The following FRYL variants were observed in gnomAD, a reference collection of about 807,000 sequenced individuals.
FRYL encodes the protein protein furry homolog-like.
In FRYL, 150 loss-of-function variants were observed where a neutral mutation model predicts 351.2. The ratio of observed to expected loss-of-function variants is 0.43; its 90% CI spans 0.37 to 0.49. The LOEUF is 0.49. Ranked by LOEUF, FRYL falls within the 20% of genes least tolerant of loss-of-function variation. FRYL has a pLI of 0.00. For synonymous variants in FRYL, 1,153 were observed against 1,257.1 expected (o/e 0.92, Z 1.75); for missense variants, 3,036 against 3,619.3 (o/e 0.84, Z 4.13).
At chr4:48,529,987 T>A (rs905749395) in intron 50 of FRYL, among the ~76,000 whole-genome samples, 4 of 152,174 alleles carry the variant, frequency 2.6e-5, no homozygotes, top group Non-Finnish European at 5.9e-5. Context: ...TTCTTTTCAG[T>A]TTTCCTTCCA....
chr4:48,776,683 T>A (rs1295121454), intron 1 of FRYL, among the ~76,000 whole-genome samples: 1 of 152,174 alleles, frequency 6.6e-6, no homozygotes, highest in Admixed American at 6.5e-5. Context: ...CAAGGTGACA[T>A]CTGAGCAGGG....
intron 28 of FRYL, among the ~76,000 whole-genome samples, chr4:48,566,060 T>A (rs1486325325): frequency 2.0e-5 from 3 of 152,224 alleles, no homozygotes; most frequent in Admixed American, 6.5e-5. Flanking sequence ...CACCTCTGTA[T>A]CTTGGTTCAC....
At chr4:48,556,187 G>A (rs1305402854) in intron 35 of FRYL, among the ~76,000 whole-genome samples, 1 of 152,176 alleles carries the variant, frequency 6.6e-6, no homozygotes, top group East Asian at 1.9e-4. Context: ...GAGCCACTGC[G>A]CCTGGCCTGT....
chr4:48,659,243 C>T (rs1454520376), intron 3 of FRYL, among the ~76,000 whole-genome samples: 8 of 150,814 alleles, frequency 5.3e-5, no homozygotes, highest in African/African-American at 2.0e-4. Flanking sequence ...CCCAGCTACT[C>T]GGGAGGCTGA....
intron 2 of FRYL, among the ~76,000 whole-genome samples, chr4:48,685,726 T>G (rs1318318237): frequency 6.6e-6 from 1 of 151,620 alleles, no homozygotes; most frequent in Non-Finnish European, 1.5e-5. Flanking sequence ...TTATAAAGAT[T>G]CCACGTTATC....
intron 21 of FRYL, among the ~76,000 whole-genome samples, chr4:48,581,197 C>T (rs1463116485): frequency 2.0e-5 from 3 of 151,978 alleles, no homozygotes; most frequent in East Asian, 3.9e-4. Flanking sequence ...CCCGCCACCA[C>T]GCCCGGCTAA....
intron 25 of FRYL, chr4:48,574,548 A>G (rs1277269023): frequency 6.6e-6 from 1 of 152,202 alleles, no homozygotes; most frequent in Non-Finnish European, 1.5e-5. Flanking sequence ...CTGGTTGTAT[A>G]GGCTATCTTG....
chr4:48,754,070 A>G (rs775529293), intron 1 of FRYL, among the ~76,000 whole-genome samples: 9 of 152,234 alleles, frequency 5.9e-5, no homozygotes, highest in African/African-American at 2.4e-5. Flanking sequence ...AAAGTGTGCA[A>G]TTGAGTGGCA....
In FRYL at chr4:48,540,456, A is replaced by C; in HGVS notation, c.6192T>G (p.Leu2064=). 1 of 1,613,686 alleles carries C rather than the reference A, an allele frequency of 6.2e-7. No individual in the cohort carries two copies. Among genetic ancestry groups the C allele is most frequent in the Non-Finnish European group, 8.5e-7 (1 of 1,179,828 alleles). ...TNFPGLQQLF[L]KGFTSASTQE... ...GTGTAGATGCTGAGGTAAAACCCTTAAGGAAGAGCTGCTGAAGTCCTGGAA... is the reference window on the plus strand; with the variant it reads ...GTGTAGATGCTGAGGTAAAACCCTTCAGGAAGAGCTGCTGAAGTCCTGGAA... Residue 2064 remains leucine (L), a synonymous_variant, in exon 46 of 64, where the codon CTT becomes CTG. Transcript: ENST00000358350.
intron 55 of FRYL, among the ~76,000 whole-genome samples, chr4:48,518,982 C>A (rs1028924596): frequency 1.3e-5 from 2 of 152,202 alleles, no homozygotes; most frequent in Non-Finnish European, 2.9e-5. Flanking sequence ...CACGAGGTAG[C>A]GCCTCAGTAG....
intron 3 of FRYL, among the ~76,000 whole-genome samples, chr4:48,652,884 T>A (rs549207541): frequency 6.6e-6 from 1 of 152,330 alleles, no homozygotes; most frequent in South Asian, 2.1e-4. Flanking sequence ...TTTGCCACTG[T>A]ATGACCTTGG....
chr4:48,640,567 T>C (rs1755121878), intron 3 of FRYL, among the ~76,000 whole-genome samples: 2 of 152,158 alleles, frequency 1.3e-5, no homozygotes, highest in Admixed American at 6.6e-5. Context: ...GTATAGTATA[T>C]GGTGGATACA....
At chr4:48,740,925 A>G (rs1171049779) in intron 1 of FRYL, among the ~76,000 whole-genome samples, 1 of 152,192 alleles carries the variant, frequency 6.6e-6, no homozygotes, top group Non-Finnish European at 1.5e-5. Flanking sequence ...AGATGAAAAC[A>G]TATTTCTACA....
intron 53 of FRYL, among the ~76,000 whole-genome samples, chr4:48,525,196 T>TATATATATATATATAC (rs759279145): frequency 5.3e-5 from 7 of 133,062 alleles, no homozygotes; most frequent in African/African-American, 9.0e-5. Context: ...TATATATATA[T>TATATATATATATATAC]ACACACACTT....
At chr4:48,591,440 C>G (rs1197109375) in intron 16 of FRYL, among the ~76,000 whole-genome samples, 2 of 152,146 alleles carry the variant, frequency 1.3e-5, no homozygotes, top group African/African-American at 4.8e-5. Flanking sequence ...AAACTTTCCC[C>G]AAATACTTCC....
Position 48,619,275 on chromosome 4 carries a change from T to A in FRYL, c.410A>T (p.Gln137Leu). The A allele has an allele frequency of 6.3e-7, 1 of 1,592,708 alleles. No homozygotes were observed. The highest frequency in any genetic ancestry group is 8.6e-7 in the Non-Finnish European group (1 of 1,161,946). ...CTTTGCAGAAATAAAAGAGCTTACC[T>A]GCTTTAGAACTTCAACTAAAACTAA... ...FCLVLVEVLK[Q>L]IPVHPVPDPL... Residue 137 changes from glutamine (Q) to leucine (L), a missense_variant and splice_region_variant, in exon 7 of 64, where the codon CAG becomes CTG. Gln to Leu is a moderately radical substitution (Grantham distance 113, BLOSUM62 -2). This residue lies in a region of FRYL where 457 missense variants were observed against 566.6 expected (regional missense o/e 0.81). Transcript: ENST00000358350.
chr4:48,514,082 TAAA>T (rs909293512), intron 56 of FRYL, among the ~76,000 whole-genome samples: 1 of 151,724 alleles, frequency 6.6e-6, no homozygotes, highest in African/African-American at 2.4e-5. Context: ...ATGTTGATGG[TAAA>T]AAAAAATCTC....
At chr4:48,631,842 A>T (rs1753028594) in intron 4 of FRYL, among the ~76,000 whole-genome samples, 1 of 151,178 alleles carries the variant, frequency 6.6e-6, no homozygotes, top group Admixed American at 6.6e-5. Context: ...CAGGTGAATC[A>T]CTTGAGCCCA....
At chr4:48,597,271 CAAAGCAT>C (rs1744783319) in intron 13 of FRYL, among the ~76,000 whole-genome samples, 1 of 151,966 alleles carries the variant, frequency 6.6e-6, no homozygotes, top group South Asian at 2.1e-4. Context: ...AATGAATAGG[CAAAGCAT>C]GAAGGATTTT....
Sources: allele counts gnomAD v4.1 joint callset (sites outside exome capture counted in the v4.1 genomes callset), GRCh38; gene constraint gnomAD v4.1.1; regional missense constraint gnomAD v4.1.1; transcripts MANE v1.5; gene names NCBI Gene and HGNC (gene_info 2026-07-23, HGNC 2026-07-21).